The following EPHB1 variants were observed in gnomAD, a reference collection of about 807,000 sequenced individuals.
EPHB1 encodes the protein EPH receptor B1.
EPHB1 carries 30 observed loss-of-function variants against 94.4 expected under a neutral mutation model. The ratio of observed to expected loss-of-function variants is 0.32; its 90% CI spans 0.24 to 0.43. The LOEUF (loss-of-function observed/expected upper bound fraction) is 0.43, where lower values mean the gene tolerates loss of function less well. Among genes scored for constraint, EPHB1 ranks in the 20% least tolerant of loss-of-function variants. The pLI is 1.00. For missense variants in EPHB1, 1,055 were observed against 1,308.3 expected, an observed-to-expected ratio of 0.81 and a Z score of 2.99; for synonymous variants, 522 against 489.1, an observed-to-expected ratio of 1.07 and a Z score of -0.89.
chr3:134,978,344 C>T (rs577376739), intron 3 of EPHB1, among the ~76,000 whole-genome samples: 6 of 152,256 alleles, frequency 3.9e-5, no homozygotes, highest in African/African-American at 1.2e-4. Context: ...CTGGTCCTGT[C>T]GACCTATGGG....
intron 5 of EPHB1, among the ~76,000 whole-genome samples, chr3:135,150,451 G>T (rs967601383): frequency 6.6e-6 from 1 of 152,168 alleles, no homozygotes; most frequent in African/African-American, 2.4e-5. Context: ...ACTCTGTCCC[G>T]TGATTGCAAG....
intron 5 of EPHB1, among the ~76,000 whole-genome samples, chr3:135,143,025 A>T (rs1940881004): frequency 6.6e-6 from 1 of 152,166 alleles, no homozygotes; most frequent in Non-Finnish European, 1.5e-5. Context: ...GCAAAATCAT[A>T]AACTGTCATC....
At chr3:135,145,943 T>G (rs1940995523) in intron 5 of EPHB1, among the ~76,000 whole-genome samples, 2 of 152,248 alleles carry the variant, frequency 1.3e-5, no homozygotes, top group Non-Finnish European at 2.9e-5. Flanking sequence ...CCGCAATCAT[T>G]GCAGTAAGAG....
At chr3:134,904,108 C>G (rs1300638028) in intron 1 of EPHB1, among the ~76,000 whole-genome samples, 1 of 152,164 alleles carries the variant, frequency 6.6e-6, no homozygotes, top group East Asian at 1.9e-4. Context: ...GATCCCCCAG[C>G]CCTGGAAAGG....
chr3:134,888,401 C>T (rs9868348), intron 1 of EPHB1, among the ~76,000 whole-genome samples: 69,594 of 152,022 alleles, frequency 0.46, 16,271 homozygotes, highest in Non-Finnish European at 0.49. Flanking sequence ...ATCCCTAGTC[C>T]CTTCAAGAGA....
At chr3:134,956,533 T>C (rs930919205) in intron 3 of EPHB1, among the ~76,000 whole-genome samples, 5 of 152,090 alleles carry the variant, frequency 3.3e-5, no homozygotes, top group Admixed American at 2.6e-4. Flanking sequence ...GCCTTCATTG[T>C]CTGGGGCTGT....
chr3:135,232,937 G>T (rs577374866), intron 12 of EPHB1, among the ~76,000 whole-genome samples: 5 of 152,266 alleles, frequency 3.3e-5, no homozygotes, highest in Admixed American at 2.0e-4. Flanking sequence ...GAACAGAAGG[G>T]TAACTGCCTC....
At chr3:135,245,014 G>C (rs1943885650) in intron 13 of EPHB1, among the ~76,000 whole-genome samples, 1 of 152,140 alleles carries the variant, frequency 6.6e-6, no homozygotes, top group Non-Finnish European at 1.5e-5. Context: ...ACACAAACAT[G>C]GTAGTGGGTT....
At chr3:135,116,163 G>A (rs2107803776) in intron 4 of EPHB1, among the ~76,000 whole-genome samples, 1 of 152,324 alleles carries the variant, frequency 6.6e-6, no homozygotes, top group Non-Finnish European at 1.5e-5. Context: ...ACATTGAGCC[G>A]AGATCGTGCC....
At chr3:134,966,382 G>A (rs1333845059) in intron 3 of EPHB1, among the ~76,000 whole-genome samples, 1 of 152,154 alleles carries the variant, frequency 6.6e-6, no homozygotes, top group Non-Finnish European at 1.5e-5. Context: ...ATGGCAAAGA[G>A]GGCTTTGTCT....
chr3:135,252,096 T>C (rs1933131739), intron 15 of EPHB1, among the ~76,000 whole-genome samples: 1 of 152,082 alleles, frequency 6.6e-6, no homozygotes, highest in Non-Finnish European at 1.5e-5. Flanking sequence ...GAATGGCACA[T>C]GCAAAGTACT....
chr3:134,838,309 G>T (rs1008994361), intron 1 of EPHB1, among the ~76,000 whole-genome samples: 2 of 152,194 alleles, frequency 1.3e-5, no homozygotes, highest in African/African-American at 2.4e-5. Flanking sequence ...GGAGTAGAAG[G>T]AACACTGAGG....
At position 134,925,864 on chromosome 3, in the gene EPHB1, C is replaced by T. The variant is rs1368994484; in HGVS notation, c.107C>T (p.Ala36Val). The T allele has an allele frequency of 6.2e-7, 1 of 1,604,976 alleles. No individual in the cohort carries two copies. The highest frequency in any genetic ancestry group is 8.5e-7 in the Non-Finnish European group (1 of 1,175,516). Residue 36 changes from alanine to valine, a missense_variant, in exon 2 of 16, where the codon GCC becomes GTC. Transcript: ENST00000398015. ...GCTACTGCAGAGCTGGGCTGGACGGCCAATCCTGCGTCCGGGGTGAGTATC... is the reference window on the plus strand; with the variant it reads ...GCTACTGCAGAGCTGGGCTGGACGGTCAATCCTGCGTCCGGGGTGAGTATC... ...RTATAELGWTANPASGWEEVS... is the reference protein window; with the variant it reads ...RTATAELGWTVNPASGWEEVS...
chr3:134,954,826 A>G (rs1258426191), intron 3 of EPHB1, among the ~76,000 whole-genome samples: 2 of 152,176 alleles, frequency 1.3e-5, no homozygotes, highest in Non-Finnish European at 2.9e-5. Context: ...CTCCTGTCAA[A>G]GTCGTGGTGA....
At chr3:135,051,538 A>G (rs1937167300) in intron 3 of EPHB1, among the ~76,000 whole-genome samples, 1 of 152,214 alleles carries the variant, frequency 6.6e-6, no homozygotes, top group Non-Finnish European at 1.5e-5. Flanking sequence ...GTTTCTGATC[A>G]TAGCTTCAAG....
chr3:135,241,162 T>C lies in EPHB1; in HGVS notation c.2361T>C (p.Pro787=), dbSNP rs1943773925. The C allele has an allele frequency of 6.2e-7, 1 of 1,614,232 alleles. No individual in the cohort carries two copies. Residue 787 remains proline, a synonymous_variant, in exon 13 of 16, where the codon CCT becomes CCC. Coordinates refer to ENST00000398015, the MANE Select transcript of EPHB1 (RefSeq NM_004441.5). ...TYTSSLGGKI[P]VRWTAPEAIA... Reference sequence around the variant, plus strand: ...CCTTCTTTCAGGGAGGGAAGATCCCTGTGAGATGGACAGCTCCAGAGGCCA... The same window carrying C: ...CCTTCTTTCAGGGAGGGAAGATCCCCGTGAGATGGACAGCTCCAGAGGCCA...
In EPHB1 at chr3:134,853,592, G is replaced by A. The variant is rs72984036; in HGVS notation, c.58+57903G>A. Among the ~76,000 whole-genome samples the A allele has an allele frequency of 8.5e-3, 1,299 of 152,324 alleles. 9 individuals are homozygous for A. Among genetic ancestry groups the A allele is most frequent in the African/African-American group, 0.03 (1,237 of 41,568 alleles). ...GTTGACTTTGAAATGGCTGAGACTT[G>A]CAAGTGACTATTGAGAAGGAGATTG... On this transcript the variant is annotated intron_variant, in intron 1 of 15. Transcript: ENST00000398015.
At chr3:134,865,335 A>T (rs2037351546) in intron 1 of EPHB1, among the ~76,000 whole-genome samples, 3 of 152,194 alleles carry the variant, frequency 2.0e-5, no homozygotes, top group Admixed American at 2.0e-4. Context: ...ACACTGATCT[A>T]AAGGAAAATG....
intron 12 of EPHB1, among the ~76,000 whole-genome samples, chr3:135,214,607 C>T (rs918572892): frequency 1.3e-5 from 2 of 152,132 alleles, no homozygotes; most frequent in African/African-American, 4.8e-5. Flanking sequence ...TAGGCAGCAC[C>T]CTCATCTCAC....
Sources: allele counts gnomAD v4.1 joint callset (sites outside exome capture counted in the v4.1 genomes callset), GRCh38; gene constraint gnomAD v4.1.1; transcripts MANE v1.5; gene names NCBI Gene and HGNC (gene_info 2026-07-23, HGNC 2026-07-21).